The following MDGA2 variants were observed in gnomAD, a reference collection of about 807,000 sequenced individuals.
MDGA2 encodes MAM domain containing glycosylphosphatidylinositol anchor 2, also known as MAM domain-containing glycosylphosphatidylinositol anchor protein 2.
Under a neutral mutation model 117.8 loss-of-function variants are expected in MDGA2, and 40 were observed. That is an observed-to-expected ratio of 0.34 (90% CI 0.26 to 0.44). The LOEUF is 0.44. Among genes scored for constraint, MDGA2 ranks in the 20% least tolerant of loss-of-function variants. MDGA2 has a pLI of 1.00. For synonymous variants in MDGA2, 452 were observed against 439.0 expected, an observed-to-expected ratio of 1.03 and a Z score of -0.37; for missense variants, 1,123 against 1,250.6, an observed-to-expected ratio of 0.90 and a Z score of 1.54.
intron 1 of MDGA2, among the ~76,000 whole-genome samples, chr14:47,379,345 C>T (rs1355945883): frequency 3.3e-5 from 5 of 152,154 alleles, no homozygotes; most frequent in Admixed American, 6.5e-5. Flanking sequence ...GTCATAATGA[C>T]AGGATCAAAT....
intron 5 of MDGA2, among the ~76,000 whole-genome samples, chr14:47,116,048 A>C (rs1049561206): frequency 9.2e-5 from 14 of 152,060 alleles, no homozygotes; most frequent in Non-Finnish European, 1.9e-4. Flanking sequence ...AAACTCTATG[A>C]AAAAATACTT....
intron 2 of MDGA2, among the ~76,000 whole-genome samples, chr14:47,286,159 A>G (rs191700422): frequency 7.2e-4 from 109 of 152,232 alleles, no homozygotes; most frequent in African/African-American, 2.5e-3. Flanking sequence ...ACAAGCATAC[A>G]GTATGTAATA....
At chr14:47,161,278 T>C (rs1479568982) in intron 3 of MDGA2, among the ~76,000 whole-genome samples, 2 of 152,112 alleles carry the variant, frequency 1.3e-5, no homozygotes, top group Admixed American at 1.3e-4. Context: ...TGATTTTCCA[T>C]TGAATTTAGC....
intron 1 of MDGA2, among the ~76,000 whole-genome samples, chr14:47,458,037 A>G (rs1261228324): frequency 6.7e-6 from 1 of 148,306 alleles, no homozygotes; most frequent in East Asian, 2.0e-4. Flanking sequence ...TTGTCATGAT[A>G]TCCTGGTTAA....
At chr14:46,892,303 T>C (rs1882914238) in intron 10 of MDGA2, among the ~76,000 whole-genome samples, 1 of 150,616 alleles carries the variant, frequency 6.6e-6, no homozygotes, top group African/African-American at 2.4e-5. Flanking sequence ...AAAATGAATA[T>C]CCACATGCAA....
intron 1 of MDGA2, among the ~76,000 whole-genome samples, chr14:47,514,260 A>G (rs2138699951): frequency 6.6e-6 from 1 of 152,192 alleles, no homozygotes; most frequent in Middle Eastern, 3.4e-3. Context: ...TCATTTTTTA[A>G]GTCTAAAAGA....
At chr14:46,933,283 T>C (rs530733979) in intron 9 of MDGA2, among the ~76,000 whole-genome samples, 1 of 152,070 alleles carries the variant, frequency 6.6e-6, no homozygotes, top group South Asian at 2.1e-4. Flanking sequence ...TTAATAAATA[T>C]AGGTAATCAG....
intron 1 of MDGA2, among the ~76,000 whole-genome samples, chr14:47,560,273 G>C (rs1003140838): frequency 6.6e-6 from 1 of 151,502 alleles, no homozygotes; most frequent in Non-Finnish European, 1.5e-5. Flanking sequence ...GGGTTTCACC[G>C]TGTTAGCCAG....
chr14:47,383,929 G>T (rs1490022396), intron 1 of MDGA2, among the ~76,000 whole-genome samples: 6 of 151,780 alleles, frequency 4.0e-5, no homozygotes, highest in African/African-American at 1.5e-4. Flanking sequence ...TGGACTGCAT[G>T]GTGCTTAAGG....
chr14:47,102,394 A>AAC (rs1280534726), intron 5 of MDGA2, among the ~76,000 whole-genome samples: 50 of 128,562 alleles, frequency 3.9e-4, no homozygotes, highest in Middle Eastern at 3.8e-3. Flanking sequence ...CACACACACA[A>AAC]ACACACACAC....
At chr14:46,880,041 C>T (rs1037504158) in intron 11 of MDGA2, among the ~76,000 whole-genome samples, 2 of 152,070 alleles carry the variant, frequency 1.3e-5, no homozygotes, top group South Asian at 2.1e-4. Context: ...AAAAGAATCA[C>T]GTTTGGCCGG....
chr14:47,234,852 C>T (rs898108547), intron 2 of MDGA2, among the ~76,000 whole-genome samples: 1 of 152,050 alleles, frequency 6.6e-6, no homozygotes, highest in Non-Finnish European at 1.5e-5. Context: ...CCCTAATATT[C>T]TCTGATGGAA....
intron 8 of MDGA2, among the ~76,000 whole-genome samples, chr14:46,977,492 C>A (rs1172246676): frequency 6.6e-6 from 1 of 151,874 alleles, no homozygotes; most frequent in African/African-American, 2.4e-5. Context: ...TTATTGTCCA[C>A]ATTTTTACAT....
chr14:47,392,516 C>T (rs961287282), intron 1 of MDGA2, among the ~76,000 whole-genome samples: 2 of 152,026 alleles, frequency 1.3e-5, no homozygotes, highest in African/African-American at 4.8e-5. Context: ...CAACAAATAT[C>T]TTTGAGTGGA....
At chr14:47,579,467 G>T (rs984402819) in intron 1 of MDGA2, among the ~76,000 whole-genome samples, 1 of 151,738 alleles carries the variant, frequency 6.6e-6, no homozygotes, top group Non-Finnish European at 1.5e-5. Context: ...CCTTTTAATT[G>T]TATTTTTTAG....
intron 7 of MDGA2, among the ~76,000 whole-genome samples, chr14:47,050,923 G>A (rs1457901442): frequency 6.6e-6 from 1 of 151,924 alleles, no homozygotes; most frequent in Non-Finnish European, 1.5e-5. Context: ...ATATGGCTCT[G>A]ATAATCTTGT....
chr14:46,870,241 C>T (rs1881942473), intron 14 of MDGA2, among the ~76,000 whole-genome samples: 1 of 151,922 alleles, frequency 6.6e-6, no homozygotes, highest in South Asian at 2.1e-4. Flanking sequence ...TATGAACCTT[C>T]TCAATGGTAT....
chr14:47,481,658 G>A (rs775829516), intron 1 of MDGA2, among the ~76,000 whole-genome samples: 3 of 151,876 alleles, frequency 2.0e-5, no homozygotes, highest in African/African-American at 4.8e-5. Flanking sequence ...AGTCACATAC[G>A]AGAAATGATG....
At chr14:46,955,580 A>G (rs1885534157) in intron 9 of MDGA2, among the ~76,000 whole-genome samples, 1 of 152,030 alleles carries the variant, frequency 6.6e-6, no homozygotes, top group African/African-American at 2.4e-5. Context: ...ATTTAAGTGA[A>G]CACAACGGTA....
Sources: allele counts gnomAD v4.1 joint callset (sites outside exome capture counted in the v4.1 genomes callset), GRCh38; gene constraint gnomAD v4.1.1; transcripts MANE v1.5; gene names NCBI Gene and HGNC (gene_info 2026-07-23, HGNC 2026-07-21).